Variants in PDS5A observed in about 807,000 individuals in gnomAD.
PDS5A encodes the protein PDS5 cohesin associated factor A.
PDS5A carries 42 observed loss-of-function variants against 167.1 expected under a neutral mutation model. That is an observed-to-expected ratio of 0.25 (90% CI 0.20 to 0.33). The LOEUF is 0.33. Among genes scored for constraint, PDS5A ranks in the 10% least tolerant of loss-of-function variants. PDS5A has a pLI of 1.00. For missense variants in PDS5A, 1,033 were observed against 1,605.9 expected, an observed-to-expected ratio of 0.64 and a Z score of 6.10; for synonymous variants, 553 against 554.6, an observed-to-expected ratio of 1.00 and a Z score of 0.04.
At chr4:39,931,515 G>A (rs1022742858) in intron 2 of PDS5A, among the ~76,000 whole-genome samples, 4 of 152,154 alleles carry the variant, frequency 2.6e-5, no homozygotes, top group Non-Finnish European at 1.5e-5. Flanking sequence ...GGTGTGTTTT[G>A]AAGGTAACTC....
At chr4:39,877,220 C>A (rs1369769065) in intron 18 of PDS5A, 67 bp from the exon 19 acceptor site, 8 of 1,006,586 alleles carry the variant, frequency 7.9e-6, no homozygotes, top group Non-Finnish European at 4.3e-6. Flanking sequence ...AGAATTACTT[C>A]CCGCAAAAGA....
chr4:39,931,648 G>C (rs976280395), intron 2 of PDS5A, among the ~76,000 whole-genome samples: 1 of 152,180 alleles, frequency 6.6e-6, no homozygotes, highest in Admixed American at 6.6e-5. Context: ...AGATCCAAGA[G>C]AGCAAATATG....
intron 17 of PDS5A, among the ~76,000 whole-genome samples, chr4:39,881,589 A>G (rs1170780390): frequency 6.6e-6 from 1 of 152,174 alleles, no homozygotes; most frequent in African/African-American, 2.4e-5. Context: ...ATTAAAATGT[A>G]CAACTCAATG....
chr4:39,930,246 A>AAAAAAAAAAAAAAAAT, intron 2 of PDS5A, among the ~76,000 whole-genome samples: 12 of 93,156 alleles, frequency 1.3e-4, no homozygotes, highest in Non-Finnish European at 2.7e-4. Context: ...AAAAAAAAAA[A>AAAAAAAAAAAAAAAAT]GTTTTTTTGT....
chr4:39,976,404 T>C, intron 2 of PDS5A, 36 bp downstream of exon 2: 1 of 1,588,278 alleles, frequency 6.3e-7, no homozygotes, highest in Non-Finnish European at 8.6e-7. Flanking sequence ...GAAAGCGCCT[T>C]CTACCAAAGA....
chr4:39,908,766 G>A (rs1723611631), intron 10 of PDS5A: 1 of 484,316 alleles, frequency 2.1e-6, no homozygotes, highest in Non-Finnish European at 3.6e-6. Flanking sequence ...GCCCACAACT[G>A]TAATACCAGC....
chr4:39,838,796 G>T (rs1716674698), intron 31 of PDS5A, among the ~76,000 whole-genome samples: 1 of 152,088 alleles, frequency 6.6e-6, no homozygotes, highest in Admixed American at 6.6e-5. Flanking sequence ...GAGACGGGTG[G>T]ATCACCTGAG....
At chr4:39,864,818 A>G (rs955986737) in intron 23 of PDS5A, among the ~76,000 whole-genome samples, 1 of 152,226 alleles carries the variant, frequency 6.6e-6, no homozygotes, top group Non-Finnish European at 1.5e-5. Context: ...AAGATGAGGA[A>G]ATTGAGGCTT....
At chr4:39,927,639 TA>T (rs1468852739) in intron 3 of PDS5A, among the ~76,000 whole-genome samples, 1 of 152,200 alleles carries the variant, frequency 6.6e-6, no homozygotes, top group Non-Finnish European at 1.5e-5. Context: ...GCTATTATTT[TA>T]AAAAGTATCA....
At chr4:39,897,881 A>T in intron 16 of PDS5A, 1 of 245,258 alleles carries the variant, frequency 4.1e-6, no homozygotes, top group Non-Finnish European at 6.5e-6. Context: ...AAAAAAAAAA[A>T]GCTGAATAAA....
chr4:39,976,653 G>A, intron 1 of PDS5A, 36 bp from the exon 2 acceptor site: 5 of 1,135,042 alleles, frequency 4.4e-6, no homozygotes, highest in Non-Finnish European at 6.4e-6. Flanking sequence ...GCGGGAAAGG[G>A]GCGACTTTGT....
intron 2 of PDS5A, among the ~76,000 whole-genome samples, chr4:39,946,339 G>C (rs879661782): frequency 2.0e-5 from 3 of 151,984 alleles, no homozygotes; most frequent in African/African-American, 7.2e-5. Context: ...AAAATCAACA[G>C]TAAGTATAGG....
intron 31 of PDS5A, among the ~76,000 whole-genome samples, chr4:39,839,753 CTG>C (rs745341688): frequency 5.1e-3 from 62 of 12,184 alleles, no homozygotes; most frequent in African/African-American, 0.021. Context: ...GAATATGATT[CTG>C]GGGGGGGGGG....
At chr4:39,919,683 G>A (rs538066233) in intron 7 of PDS5A, among the ~76,000 whole-genome samples, 1 of 152,090 alleles carries the variant, frequency 6.6e-6, no homozygotes, top group Non-Finnish European at 1.5e-5. Context: ...TGGGAAAATA[G>A]TTATAAATAT....
intron 8 of PDS5A, among the ~76,000 whole-genome samples, chr4:39,914,621 G>A (rs1285539824): frequency 1.3e-5 from 2 of 152,166 alleles, no homozygotes; most frequent in African/African-American, 4.8e-5. Flanking sequence ...TTGTTTTCTA[G>A]TAAGATTATA....
At chr4:39,956,068 C>T (rs994243777) in intron 2 of PDS5A, among the ~76,000 whole-genome samples, 9 of 149,650 alleles carry the variant, frequency 6.0e-5, no homozygotes, top group African/African-American at 2.2e-4. Flanking sequence ...CAGTGAGCTG[C>T]GATCTCGCCA....
chr4:39,844,214 C>T (rs1418750529), intron 30 of PDS5A, among the ~76,000 whole-genome samples: 1 of 152,042 alleles, frequency 6.6e-6, no homozygotes, highest in African/African-American at 2.4e-5. Context: ...GTGGCTTACG[C>T]CTGTAATCCC....
At chr4:39,860,878 T>C (rs1347352657) in intron 26 of PDS5A, among the ~76,000 whole-genome samples, 1 of 151,758 alleles carries the variant, frequency 6.6e-6, no homozygotes, top group Non-Finnish European at 1.5e-5. Flanking sequence ...GAGACCAGCC[T>C]GGGCAACACA....
At chr4:39,891,212 T>C (rs1363974067) in intron 16 of PDS5A, among the ~76,000 whole-genome samples, 3 of 151,384 alleles carry the variant, frequency 2.0e-5, no homozygotes, top group Non-Finnish European at 4.4e-5. Context: ...TTTATATTTT[T>C]AGTAGACATG....
Sources: allele counts gnomAD v4.1 joint callset (sites outside exome capture counted in the v4.1 genomes callset), GRCh38; gene constraint gnomAD v4.1.1; transcripts MANE v1.5; gene names NCBI Gene and HGNC (gene_info 2026-07-23, HGNC 2026-07-21).